Variants in PSD3 observed in about 807,000 individuals in gnomAD.
PSD3 encodes PH and SEC7 domain-containing protein 3.
Under a neutral mutation model 105.5 loss-of-function variants are expected in PSD3, and 49 were observed. The observed-to-expected ratio is 0.46, with a 90% confidence interval of 0.37 to 0.59. The LOEUF is 0.59. PSD3 is among the 20% of genes least tolerant of loss of function. The pLI is 0.00. For missense variants in PSD3, 1,561 were observed against 1,263.8 expected, an observed-to-expected ratio of 1.24 and a Z score of -3.57; for synonymous variants, 557 against 457.8, an observed-to-expected ratio of 1.22 and a Z score of -2.77.
chr8:19,031,040 C>T (rs1308701798), intron 1 of PSD3, among the ~76,000 whole-genome samples: 1 of 152,144 alleles, frequency 6.6e-6, no homozygotes, highest in Non-Finnish European at 1.5e-5. Context: ...CTATGTGGGG[C>T]TATGCTACCA....
intron 6 of PSD3, chr8:18,804,231 TACA>T (rs1462549689): frequency 3.7e-6 from 1 of 272,460 alleles, no homozygotes; most frequent in East Asian, 6.9e-5. Flanking sequence ...CTCCAAAATC[TACA>T]ACACTTTTCA....
intron 2 of PSD3, among the ~76,000 whole-genome samples, chr8:18,913,083 AC>A (rs1489386264): frequency 1.4e-4 from 17 of 124,036 alleles, no homozygotes; most frequent in African/African-American, 2.8e-4. Flanking sequence ...ACACACACAC[AC>A]AAACACACAC....
At chr8:18,913,183 T>C (rs1244110617) in intron 2 of PSD3, among the ~76,000 whole-genome samples, 1 of 151,742 alleles carries the variant, frequency 6.6e-6, no homozygotes, top group Non-Finnish European at 1.5e-5. Context: ...GCTTCAGTCT[T>C]TATTGGACTG....
intron 9 of PSD3, among the ~76,000 whole-genome samples, chr8:18,692,037 A>G (rs560382111): frequency 1.3e-5 from 2 of 152,322 alleles, no homozygotes; most frequent in African/African-American, 2.4e-5. Context: ...ATGAATTTCT[A>G]TCAGTCCTTA....
intron 1 of PSD3, among the ~76,000 whole-genome samples, chr8:19,029,446 G>T (rs745373638): frequency 3.3e-5 from 5 of 152,138 alleles, no homozygotes; most frequent in African/African-American, 4.8e-5. Flanking sequence ...AGGTTTCATT[G>T]AATCACAGTT....
At chr8:18,827,478 T>C (rs934817201) in intron 4 of PSD3, among the ~76,000 whole-genome samples, 2 of 152,150 alleles carry the variant, frequency 1.3e-5, no homozygotes, top group African/African-American at 4.8e-5. Context: ...AGGAAAAGAC[T>C]TTAAGTGGGT....
intron 4 of PSD3, chr8:18,854,018 G>T: frequency 9.2e-6 from 1 of 108,890 alleles, no homozygotes; most frequent in East Asian, 6.3e-4. Flanking sequence ...TCAAATCCAA[G>T]GAAGTTTCTA....
chr8:18,616,622 TCTTTTC>T lies in PSD3; in HGVS notation c.2410+15985_2410+15990del, dbSNP rs750394381. ...AGCCAGGCCTCATCTTCCTCTCTTT[TCTTTTC>T]TTTTTTTTTTTTTGAGACGGAGTCT... On this transcript the variant is annotated intron_variant, in intron 11 of 15. Coordinates refer to ENST00000327040, the MANE Select transcript of PSD3 (RefSeq NM_015310.4). Among the ~76,000 whole-genome samples, 49 of 58,658 alleles carry T rather than the reference TCTTTTC, an allele frequency of 8.4e-4. 2 individuals carry two copies. The highest frequency in any genetic ancestry group is 1.4e-3 in the Non-Finnish European group (35 of 25,632). 38.5% of individuals were successfully genotyped at this position (58,658 alleles called of 152,430 possible).
At chr8:18,848,041 C>A (rs1053683773) in intron 4 of PSD3, among the ~76,000 whole-genome samples, 11 of 151,972 alleles carry the variant, frequency 7.2e-5, no homozygotes, top group African/African-American at 2.7e-4. Flanking sequence ...GGGGAAGGAA[C>A]ACGTGTCATC....
chr8:18,657,462 T>C (rs912406133), intron 9 of PSD3, among the ~76,000 whole-genome samples: 1 of 152,228 alleles, frequency 6.6e-6, no homozygotes, highest in Non-Finnish European at 1.5e-5. Context: ...GGTCACATTT[T>C]ATATTTTTCA....
intron 11 of PSD3, among the ~76,000 whole-genome samples, chr8:18,623,629 G>A (rs1806282306): frequency 6.8e-6 from 1 of 146,308 alleles, no homozygotes; most frequent in African/African-American, 2.5e-5. Flanking sequence ...GGGTTACTGA[G>A]CGAGACTCCA....
intron 10 of PSD3, among the ~76,000 whole-genome samples, chr8:18,638,984 T>C (rs1388239629): frequency 2.0e-5 from 3 of 152,214 alleles, no homozygotes; most frequent in Admixed American, 6.5e-5. Flanking sequence ...TGCCATGGCA[T>C]TGACCACTGC....
intron 1 of PSD3, among the ~76,000 whole-genome samples, chr8:18,954,206 G>A (rs11778213): frequency 0.39 from 59,562 of 151,792 alleles, 11,865 homozygotes; most frequent in Non-Finnish European, 0.41. Flanking sequence ...ACATAAACAT[G>A]CATAGAAAAA....
intron 1 of PSD3, among the ~76,000 whole-genome samples, chr8:19,029,237 G>C (rs1213682083): frequency 6.6e-6 from 1 of 152,106 alleles, no homozygotes; most frequent in Non-Finnish European, 1.5e-5. Flanking sequence ...GAATCTGTAG[G>C]TCAGCTTGGA....
intron 4 of PSD3, 59 bp from the exon 5 acceptor site, chr8:18,804,957 A>AAG (rs1376856068): frequency 7.5e-7 from 1 of 1,326,954 alleles, no homozygotes; most frequent in Non-Finnish European, 1.0e-6. Flanking sequence ...AAAAAGGAAA[A>AAG]TATCTGATGA....
chr8:18,698,820 CTG>C (rs1018285961), intron 9 of PSD3, among the ~76,000 whole-genome samples: 5 of 152,078 alleles, frequency 3.3e-5, no homozygotes, highest in Admixed American at 3.3e-4. Flanking sequence ...TTAAGGAGTT[CTG>C]TGTTAGCTTT....
At chr8:18,842,364 G>T (rs1261227745) in intron 4 of PSD3, among the ~76,000 whole-genome samples, 1 of 152,214 alleles carries the variant, frequency 6.6e-6, no homozygotes, top group African/African-American at 2.4e-5. Flanking sequence ...TCTCATAAGG[G>T]ATTTACATGG....
chr8:18,634,464 TA>T (rs980761239), intron 10 of PSD3, among the ~76,000 whole-genome samples: 29 of 152,136 alleles, frequency 1.9e-4, no homozygotes, highest in African/African-American at 6.8e-4. Context: ...ACTAAAAAAT[TA>T]ACGTAAGTTT....
chr8:18,860,097 G>T (rs191649309), intron 4 of PSD3, among the ~76,000 whole-genome samples: 1 of 152,278 alleles, frequency 6.6e-6, no homozygotes, highest in East Asian at 1.9e-4. Flanking sequence ...TAGAGGCATT[G>T]CAGGGTTATT....
Sources: allele counts gnomAD v4.1 joint callset (sites outside exome capture counted in the v4.1 genomes callset), GRCh38; gene constraint gnomAD v4.1.1; transcripts MANE v1.5; gene names NCBI Gene and HGNC (gene_info 2026-07-23, HGNC 2026-07-21).